FAT3: variants seen among roughly 807,000 people sequenced by gnomAD.
The protein encoded by FAT3 is FAT atypical cadherin 3, also known as protocadherin Fat 3.
A neutral mutation model predicts 310.2 loss-of-function variants in FAT3; 95 were observed. The observed-to-expected ratio is 0.31, with a 90% confidence interval of 0.26 to 0.36. The LOEUF is 0.36. Among genes scored for constraint, FAT3 ranks in the 10% least tolerant of loss-of-function variants. The probability of loss-of-function intolerance (pLI) is 1.00; values close to 1 mark genes in which losing one functional copy is unlikely to be tolerated. For synonymous variants in FAT3, 2,314 were observed against 2,192.9 expected, an observed-to-expected ratio of 1.06 and a Z score of -1.54; for missense variants, 5,408 against 5,715.6, an observed-to-expected ratio of 0.95 and a Z score of 1.74.
At chr11:92,320,149 C>T (rs1947572458) in intron 1 of FAT3, among the ~76,000 whole-genome samples, 1 of 152,110 alleles carries the variant, frequency 6.6e-6, no homozygotes, top group Non-Finnish European at 1.5e-5. Flanking sequence ...TAGGTTGGTG[C>T]AAAAGTAATT....
intron 3 of FAT3, among the ~76,000 whole-genome samples, chr11:92,613,090 G>T (rs552706748): frequency 6.6e-6 from 1 of 152,186 alleles, no homozygotes; most frequent in Admixed American, 6.5e-5. Flanking sequence ...AACCTTCTTG[G>T]ATTCTAAGAT....
intron 1 of FAT3, among the ~76,000 whole-genome samples, chr11:92,258,759 T>C (rs967613189): frequency 9.9e-5 from 15 of 151,896 alleles, no homozygotes; most frequent in African/African-American, 3.6e-4. Context: ...ACACAAGGAA[T>C]TGGAGGCACA....
intron 1 of FAT3, among the ~76,000 whole-genome samples, chr11:92,282,683 A>C (rs1388877656): frequency 6.6e-6 from 1 of 151,974 alleles, no homozygotes; most frequent in Non-Finnish European, 1.5e-5. Context: ...GGATGTTGTA[A>C]ATCACACATA....
intron 1 of FAT3, among the ~76,000 whole-genome samples, chr11:92,322,491 A>G (rs554777327): frequency 1.1e-3 from 172 of 151,962 alleles, no homozygotes; most frequent in Admixed American, 2.3e-3. Context: ...GTCCTCATTG[A>G]CTCTTCCTTT....
intron 4 of FAT3, among the ~76,000 whole-genome samples, chr11:92,728,120 T>A (rs1945054802): frequency 6.6e-6 from 1 of 152,190 alleles, no homozygotes; most frequent in South Asian, 2.1e-4. Flanking sequence ...TCATTAGAAA[T>A]CTAAGGATTC....
chr11:92,418,673 G>A (rs1022338493), intron 2 of FAT3, among the ~76,000 whole-genome samples: 2 of 152,086 alleles, frequency 1.3e-5, no homozygotes, highest in African/African-American at 4.8e-5. Context: ...TGGGGACCAT[G>A]CCAAGAGGGT....
Position 92,498,089 on chromosome 11 carries a change from A to AT in FAT3, c.3293-26535dup, listed in dbSNP as rs1239235981. ...TACTCACTGTTACTCTCTTGCTCTT[A>AT]TTTTTTTTTTCCACAAATGGGACTT... On this transcript the variant is annotated intron_variant, in intron 2 of 27. Coordinates refer to ENST00000525166, the MANE Select transcript of FAT3 (RefSeq NM_001367949.2). 2.4e-3 allele frequency: 366 copies of AT among 150,072 alleles called. 1 individual carries two copies. The highest frequency in any genetic ancestry group is 6.7e-3 in the African/African-American group (273 of 40,678). 9.3% of individuals were successfully genotyped at this position (150,072 alleles called of 1,614,324 possible). A position where few individuals can be genotyped will look rare whatever the true frequency, so the allele number is the denominator to read the frequency against.
intron 21 of FAT3, among the ~76,000 whole-genome samples, chr11:92,861,694 A>G (rs1949127018): frequency 6.6e-6 from 1 of 152,244 alleles, no homozygotes; most frequent in Non-Finnish European, 1.5e-5. Flanking sequence ...TTATTCTCCT[A>G]CAGTCGCCAG....
At position 92,799,335 on chromosome 11, in the gene FAT3, G is replaced by T; in HGVS notation, c.6322G>T (p.Ala2108Ser). 6.2e-7 allele frequency: 1 copy of T among 1,613,932 alleles called. No individual in the cohort carries two copies. Among genetic ancestry groups the T allele is most frequent in the Non-Finnish European group, 8.5e-7 (1 of 1,179,862 alleles). Residue 2108 changes from alanine (A) to serine (S), a missense_variant, in exon 10 of 28, where the codon GCC (alanine) becomes TCC (serine). By Grantham distance (99) the Ala-to-Ser change is moderately conservative (BLOSUM62 1). Coordinates refer to ENST00000525166, the MANE Select transcript of FAT3 (RefSeq NM_001367949.2). ...CGGGACTCTGATTTATCAGGTGACAGCCATTGACAAAGATAAAGGTCCAAA... is the reference window on the plus strand; with the variant it reads ...CGGGACTCTGATTTATCAGGTGACATCCATTGACAAAGATAAAGGTCCAAA... ...EPGTLIYQVT[A>S]IDKDKGPNGE...
intron 4 of FAT3, among the ~76,000 whole-genome samples, chr11:92,737,258 A>C (rs912843099): frequency 3.3e-5 from 5 of 152,172 alleles, no homozygotes; most frequent in Admixed American, 3.3e-4. Context: ...GACGGAGGAT[A>C]TACCAGCCCT....
chr11:92,549,388 G>C (rs1954725370), intron 3 of FAT3, among the ~76,000 whole-genome samples: 2 of 152,110 alleles, frequency 1.3e-5, no homozygotes, highest in South Asian at 4.1e-4. Flanking sequence ...TTACAATGCT[G>C]GAAATTAAGG....
chr11:92,366,280 G>A (rs899947774), intron 2 of FAT3, among the ~76,000 whole-genome samples: 4 of 152,208 alleles, frequency 2.6e-5, no homozygotes, highest in Admixed American at 1.3e-4. Flanking sequence ...CTGAGAACCT[G>A]TGCCCTAGAA....
chr11:92,639,801 A>G (rs1265695221), intron 3 of FAT3, among the ~76,000 whole-genome samples: 2 of 152,172 alleles, frequency 1.3e-5, no homozygotes, highest in African/African-American at 4.8e-5. Context: ...ATTATGGGCT[A>G]TCTGGGTTGT....
intron 1 of FAT3, among the ~76,000 whole-genome samples, chr11:92,264,464 G>A (rs1337890852): frequency 6.6e-6 from 1 of 152,130 alleles, no homozygotes; most frequent in Non-Finnish European, 1.5e-5. Flanking sequence ...GACACTAAGA[G>A]TCATCTCTAC....
intron 2 of FAT3, among the ~76,000 whole-genome samples, chr11:92,385,489 T>C (rs1326744084): frequency 2.0e-5 from 3 of 152,142 alleles, no homozygotes; most frequent in Admixed American, 6.5e-5. Context: ...TGCCTCAGCC[T>C]CCCAAGTAGC....
chr11:92,834,889 AG>A lies in FAT3; in HGVS notation c.9892del (p.Val3298SerfsTer13). ...PKTGGISVSEVLDYELCKRFY... is the reference protein window; with the variant it reads ...PKTGGISVSEXLDYELCKRFY... ...TCAAAGGGGGTATTTCTGTCTCTGA[AG>A]TCCTGGACTATGAATTATGCAAAAG... On this transcript the variant is annotated frameshift_variant, in exon 15 of 28. Coordinates refer to ENST00000525166, the MANE Select transcript of FAT3 (RefSeq NM_001367949.2). LOFTEE classifies it high-confidence loss of function. 1 of 1,610,222 alleles carries A rather than the reference AG, an allele frequency of 6.2e-7. No individual in the cohort carries two copies. The highest frequency in any genetic ancestry group is 1.3e-5 in the African/African-American group (1 of 75,018).
At chr11:92,684,117 A>G (rs1157002163) in intron 3 of FAT3, among the ~76,000 whole-genome samples, 3 of 152,176 alleles carry the variant, frequency 2.0e-5, no homozygotes, top group Non-Finnish European at 2.9e-5. Flanking sequence ...TGTTCAGAAG[A>G]TACTGAATTT....
intron 2 of FAT3, among the ~76,000 whole-genome samples, chr11:92,520,555 T>G (rs1459046161): frequency 6.6e-6 from 1 of 152,072 alleles, no homozygotes. Context: ...CCTCAAGATG[T>G]GATTTTGGCA....
intron 1 of FAT3, among the ~76,000 whole-genome samples, chr11:92,276,263 A>G (rs115215367): frequency 1.3e-3 from 198 of 152,292 alleles, no homozygotes; most frequent in African/African-American, 4.6e-3. Flanking sequence ...AAATTGTAAA[A>G]TCACAGAAGT....
Sources: gnomAD v4.1 joint callset for allele counts (sites outside exome capture counted in the v4.1 genomes callset) on GRCh38, gnomAD v4.1.1 for gene constraint, MANE v1.5 for transcripts, NCBI Gene and HGNC (gene_info 2026-07-23, HGNC 2026-07-21) for gene names.